RORA: variants seen among roughly 807,000 people sequenced by gnomAD.
RORA encodes the protein nuclear receptor ROR-alpha.
RORA carries 7 observed loss-of-function variants against 69.5 expected under a neutral mutation model. The observed-to-expected ratio is 0.10, with a 90% CI of 0.06 to 0.19. The LOEUF (loss-of-function observed/expected upper bound fraction) is 0.19, where lower values mean the gene tolerates loss of function less well. RORA is among the 10% of genes least tolerant of loss of function. The probability of loss-of-function intolerance (pLI) is 1.00; values close to 1 mark genes in which losing one functional copy is unlikely to be tolerated. For synonymous variants in RORA, 261 were observed against 240.8 expected (o/e 1.08, Z -0.78); for missense variants, 457 against 663.0 (o/e 0.69, Z 3.41).
At chr15:60,748,204 T>C (rs1172133947) in intron 1 of RORA, among the ~76,000 whole-genome samples, 2 of 151,918 alleles carry the variant, frequency 1.3e-5, no homozygotes, top group African/African-American at 4.8e-5. Flanking sequence ...ATAAATGCGC[T>C]GGCCTAAAAT....
At chr15:60,876,944 G>T (rs1038077686) in intron 1 of RORA, among the ~76,000 whole-genome samples, 7 of 152,094 alleles carry the variant, frequency 4.6e-5, no homozygotes, top group Non-Finnish European at 8.8e-5. Context: ...CACACACTGG[G>T]GCCTTTCAGA....
chr15:61,155,159 C>T (rs186237808), intron 1 of RORA, among the ~76,000 whole-genome samples: 17 of 152,252 alleles, frequency 1.1e-4, no homozygotes, highest in African/African-American at 4.1e-4. Flanking sequence ...GTAATTATCC[C>T]AGCTTGATCA....
At chr15:60,973,467 T>C (rs184577911) in intron 1 of RORA, among the ~76,000 whole-genome samples, 237 of 152,286 alleles carry the variant, frequency 1.6e-3, no homozygotes, top group African/African-American at 5.5e-3. Context: ...TCGGGCAGGG[T>C]GGCTGAGCAG....
chr15:60,976,374 A>G (rs1189908673), intron 1 of RORA, among the ~76,000 whole-genome samples: 1 of 152,230 alleles, frequency 6.6e-6, no homozygotes, highest in Non-Finnish European at 1.5e-5. Flanking sequence ...CAAAGAAAAG[A>G]GAACAATCCT....
intron 1 of RORA, among the ~76,000 whole-genome samples, chr15:61,010,525 T>G (rs1446636305): frequency 6.6e-6 from 1 of 152,164 alleles, no homozygotes; most frequent in East Asian, 1.9e-4. Context: ...TCTGGCCAAT[T>G]GTATGAATGC....
intron 1 of RORA, among the ~76,000 whole-genome samples, chr15:60,996,828 T>A (rs1282784554): frequency 1.3e-5 from 2 of 151,720 alleles, no homozygotes. Context: ...GAGAATGGTG[T>A]GAACCCAGGA....
chr15:61,207,095 T>C (rs1304688457), intron 1 of RORA, among the ~76,000 whole-genome samples: 4 of 152,050 alleles, frequency 2.6e-5, no homozygotes, highest in Admixed American at 2.6e-4. Context: ...TATATATATA[T>C]GTATGCATAT....
At chr15:60,856,503 T>TC (rs2073382231) in intron 1 of RORA, among the ~76,000 whole-genome samples, 2 of 150,310 alleles carry the variant, frequency 1.3e-5, no homozygotes, top group South Asian at 2.1e-4. Context: ...TTTTTTTTTT[T>TC]CTTAGAACTA....
chr15:61,078,846 G>A (rs1305735808), intron 1 of RORA, among the ~76,000 whole-genome samples: 1 of 152,052 alleles, frequency 6.6e-6, no homozygotes, highest in Admixed American at 6.6e-5. Flanking sequence ...GGAATCAGGG[G>A]CTTAAATGTC....
chr15:60,553,222 G>A (rs1376872713), intron 2 of RORA, among the ~76,000 whole-genome samples: 1 of 152,158 alleles, frequency 6.6e-6, no homozygotes, highest in Non-Finnish European at 1.5e-5. Context: ...TTCTGAACCA[G>A]GAATTACTGC....
rs78640762 is a variant in RORA at position 60,699,802 on chromosome 15, T to C, written c.167-21116A>G. Among the ~76,000 whole-genome samples, 4 of 152,292 alleles carry C rather than the reference T, an allele frequency of 2.6e-5. No individual in the cohort carries two copies. The East Asian group carries it at 7.7e-4, about 29-fold the overall frequency. On this transcript the variant is annotated intron_variant, in intron 1 of 10. Coordinates refer to ENST00000335670, the MANE Select transcript of RORA (RefSeq NM_134261.3). ...CCTGCCACAATAACTACTTATGATA[T>C]TTTAATATTTACCAAGAGTTTTCCA...
intron 1 of RORA, among the ~76,000 whole-genome samples, chr15:61,130,223 A>G (rs993732440): frequency 6.6e-6 from 1 of 152,168 alleles, no homozygotes; most frequent in African/African-American, 2.4e-5. Flanking sequence ...TCATCTATAA[A>G]ATGGACACAA....
At chr15:60,821,364 G>A (rs540950657) in intron 1 of RORA, among the ~76,000 whole-genome samples, 7 of 152,272 alleles carry the variant, frequency 4.6e-5, no homozygotes, top group Non-Finnish European at 8.8e-5. Context: ...CACTGGGTCC[G>A]CTCCATCTGC....
intron 1 of RORA, among the ~76,000 whole-genome samples, chr15:61,096,000 G>C (rs1477326814): frequency 1.3e-5 from 2 of 152,202 alleles, no homozygotes; most frequent in African/African-American, 4.8e-5. Context: ...TTGGAATTAT[G>C]AATCACAAGC....
chr15:61,099,589 TA>T (rs2140744374), intron 1 of RORA, among the ~76,000 whole-genome samples: 1 of 152,350 alleles, frequency 6.6e-6, no homozygotes, highest in East Asian at 1.9e-4. Context: ...AAACGTTACT[TA>T]TTACTTCAAA....
chr15:60,520,795 C>T (rs1229679389), intron 3 of RORA, among the ~76,000 whole-genome samples: 1 of 152,128 alleles, frequency 6.6e-6, no homozygotes, highest in Non-Finnish European at 1.5e-5. Context: ...TTTGTTATTT[C>T]TAAAAGATAA....
At position 61,151,010 on chromosome 15, in the gene RORA, A is replaced by C. The variant is rs560230991; in HGVS notation, c.166+78043T>G. Among the ~76,000 whole-genome samples the C allele has an allele frequency of 4.6e-5, 7 of 152,332 alleles. No homozygotes were observed. The East Asian group carries it at 9.6e-4, about 21-fold the overall frequency. On this transcript the variant is annotated intron_variant, in intron 1 of 10. Coordinates refer to ENST00000335670, the MANE Select transcript of RORA (RefSeq NM_134261.3). The stretch of plus-strand genomic sequence containing the variant: ...GAATACAGGTATTGGAACTTCATGG[A>C]TTACCTGACGCAAGATAGCAAGTAA...
intron 2 of RORA, among the ~76,000 whole-genome samples, chr15:60,638,757 T>G (rs895352100): frequency 6.6e-6 from 1 of 152,238 alleles, no homozygotes; most frequent in Non-Finnish European, 1.5e-5. Flanking sequence ...AACCAACGAC[T>G]GATACATCTT....
intron 2 of RORA, among the ~76,000 whole-genome samples, chr15:60,619,025 A>G (rs1248755549): frequency 6.6e-6 from 1 of 152,166 alleles, no homozygotes; most frequent in Admixed American, 6.5e-5. Flanking sequence ...CTTTCCCTCA[A>G]CAGCTGTACA....
Sources: allele counts gnomAD v4.1 joint callset (sites outside exome capture counted in the v4.1 genomes callset), GRCh38; gene constraint gnomAD v4.1.1; transcripts MANE v1.5; gene names NCBI Gene and HGNC (gene_info 2026-07-23, HGNC 2026-07-21).